The following RNF19A variants were observed in gnomAD, a reference collection of about 807,000 sequenced individuals.
RNF19A encodes the protein ring finger protein 19A, RBR E3 ubiquitin protein ligase, also known as E3 ubiquitin-protein ligase RNF19A.
In RNF19A, 32 loss-of-function variants were observed where a neutral mutation model predicts 75.7. That is an observed-to-expected ratio of 0.42 (90% CI 0.32 to 0.57). The LOEUF is 0.57. Among genes scored for constraint, RNF19A ranks in the 20% least tolerant of loss-of-function variants. The pLI is 0.10. For synonymous variants in RNF19A, 335 were observed against 345.2 expected, an observed-to-expected ratio of 0.97 and a Z score of 0.33; for missense variants, 782 against 1,036.3, an observed-to-expected ratio of 0.75 and a Z score of 3.37.
intron 1 of RNF19A, among the ~76,000 whole-genome samples, chr8:100,296,405 T>G (rs890811595): frequency 2.0e-5 from 3 of 152,202 alleles, no homozygotes; most frequent in African/African-American, 7.2e-5. Context: ...ACGACCAGCC[T>G]CCGGGCATTA....
intron 1 of RNF19A, among the ~76,000 whole-genome samples, chr8:100,301,770 T>C (rs971195077): frequency 1.3e-5 from 2 of 152,234 alleles, no homozygotes; most frequent in African/African-American, 2.4e-5. Flanking sequence ...TTTAATATTA[T>C]TCTTTACTAG....
At position 100,305,988 on chromosome 8, in the gene RNF19A, T is replaced by C. The variant is rs557808528; in HGVS notation, c.-94+3879A>G. Among the ~76,000 whole-genome samples the C allele has an allele frequency of 3.9e-5, 6 of 152,316 alleles. No homozygotes were observed. The South Asian group carries it at 1.2e-3, about 32-fold the overall frequency. ...ATATTTATCTGGAAACCTAACATCA[T>C]CACATTCCCAAAAGCTTCTCCTGGT... On this transcript the variant is annotated intron_variant, in intron 1 of 9. Transcript: ENST00000341084.
chr8:100,334,065 A>T (rs767911056), intron 1 of RNF19A, among the ~76,000 whole-genome samples: 6 of 152,112 alleles, frequency 3.9e-5, no homozygotes, highest in Non-Finnish European at 7.4e-5. Flanking sequence ...GATTTTGCTC[A>T]TTCTGTTCAC....
rs939998111 is a variant in RNF19A at position 100,257,985 on chromosome 8, C to G, written c.*571G>C. 5.0e-6 allele frequency: 2 copies of G among 398,498 alleles called. No homozygotes were observed. The highest frequency in any genetic ancestry group is 4.1e-5 in the African/African-American group (2 of 48,578). The allele number at this position is 398,498 out of a possible 1,614,324, so 24.7% of individuals were successfully genotyped here. ...GTGCAAAAACTGCCACAATCTTGCT[C>G]AAAGTGTCTAAGTATCCAAATGGTA... On this transcript the variant is annotated 3_prime_UTR_variant, in exon 10 of 10. Coordinates refer to ENST00000341084, the MANE Select transcript of RNF19A (RefSeq NM_183419.4).
chr8:100,264,477 G>C lies in RNF19A; in HGVS notation c.1306+194C>G. 2 of 587,326 alleles carry C rather than the reference G, an allele frequency of 3.4e-6. No homozygotes were observed. Among genetic ancestry groups the C allele is most frequent in the East Asian group, 5.6e-5 (2 of 35,516 alleles). 36.4% of individuals were successfully genotyped at this position (587,326 alleles called of 1,614,324 possible). Reference sequence around the variant, plus strand: ...ACTGTACTTGGGGTGGAGTGGGGAGGAAGGGTATCAGCCACTAACAATTTA... The same window carrying C: ...ACTGTACTTGGGGTGGAGTGGGGAGCAAGGGTATCAGCCACTAACAATTTA... On this transcript the variant is annotated intron_variant, in intron 6 of 9. Transcript: ENST00000341084. The surrounding 1 kb of genome is among the most constrained non-coding windows in gnomAD (Gnocchi z 4.7).
At chr8:100,265,120 A>T (rs1275892230) in intron 5 of RNF19A, among the ~76,000 whole-genome samples, 2 of 152,222 alleles carry the variant, frequency 1.3e-5, no homozygotes, top group Non-Finnish European at 2.9e-5. Context: ...CAACACAGTT[A>T]TGAGTTACAT....
chr8:100,296,408 G>A (rs1246485085), intron 1 of RNF19A, among the ~76,000 whole-genome samples: 1 of 152,090 alleles, frequency 6.6e-6, no homozygotes, highest in African/African-American at 2.4e-5. Flanking sequence ...ACCAGCCTCC[G>A]GGCATTATTC....
rs772875972 is a variant in RNF19A, at chr8:100,275,003, C to T, written c.833G>A (p.Arg278Lys). The change falls in exon 3 of 10, where the codon AGA becomes AAA. Residue 278 changes from arginine (R) to lysine (K), a missense_variant. Coordinates refer to ENST00000341084, the MANE Select transcript of RNF19A (RefSeq NM_183419.4). The surrounding 1 kb of genome is among the most constrained non-coding windows in gnomAD (Gnocchi z 4.3). ...RQERAQSLRL[R>K]TIRSSSISYS... ...ACTAATGGATGAAGAACGTATAGTTCTCAAACGTAAGCTCTGGGCTCTCTC... is the reference window on the plus strand; with the variant it reads ...ACTAATGGATGAAGAACGTATAGTTTTCAAACGTAAGCTCTGGGCTCTCTC... The T allele has an allele frequency of 4.0e-5, 64 of 1,614,018 alleles. No homozygotes were observed. The highest frequency in any genetic ancestry group is 5.4e-5 in the Non-Finnish European group (64 of 1,180,016).
chr8:100,281,675 T>C (rs1274990618), intron 2 of RNF19A, among the ~76,000 whole-genome samples: 2 of 152,270 alleles, frequency 1.3e-5, no homozygotes, highest in East Asian at 1.9e-4. Context: ...TAAAAGAGAA[T>C]GAAGAAAAAG....
At chr8:100,281,907 C>A (rs1820796849) in intron 2 of RNF19A, among the ~76,000 whole-genome samples, 2 of 152,172 alleles carry the variant, frequency 1.3e-5, no homozygotes, top group African/African-American at 4.8e-5. Context: ...GAATGACTTA[C>A]TTAATATACT....
At chr8:100,290,533 CT>C (rs1821245195) in intron 1 of RNF19A, among the ~76,000 whole-genome samples, 1 of 152,262 alleles carries the variant, frequency 6.6e-6, no homozygotes, top group East Asian at 1.9e-4. Context: ...GGCTGACCTC[CT>C]AATTAACATG....
At chr8:100,306,211 G>A (rs1415214348) in intron 1 of RNF19A, among the ~76,000 whole-genome samples, 6 of 152,144 alleles carry the variant, frequency 3.9e-5, no homozygotes, top group Non-Finnish European at 8.8e-5. Flanking sequence ...TTGAACCAAA[G>A]ACTCAGTTTC....
rs113067656 is a variant in RNF19A at position 100,264,708 on chromosome 8, A to G, written c.1269T>C (p.Ser423=). The G allele has an allele frequency of 2.4e-5, 38 of 1,613,690 alleles. 2 individuals carry two copies. In the African/African-American group the frequency reaches 3.3e-4, roughly 14 times the overall value. Residue 423 remains serine (S), a synonymous_variant, in exon 6 of 10, where the codon TCT becomes TCC. Transcript: ENST00000341084. This position sits in a 1 kb window ranked among gnomAD's most constrained non-coding sequence, Gnocchi z 4.7. The stretch of plus-strand genomic sequence containing the variant: ...CAGCTACTACTGGAGACACGATTAC[A>G]GACAACGTTACACCACCTGCTATGG... ...NLAIAGGVTL[S]VIVSPVVAAV... is the part of the protein sequence containing the mutation.
Position 100,259,741 on chromosome 8 carries a change from TC to T in RNF19A, c.1826+112del, listed in dbSNP as rs758358490. On this transcript the variant is annotated intron_variant, in intron 9 of 9. Transcript: ENST00000341084. This position sits in a 1 kb window ranked among gnomAD's most constrained non-coding sequence, Gnocchi z 4.5. ...CTCTGGACAGCTCACTGTTTCCTTT[TC>T]TCAGAGAACTTAATAGTTGGTAGCC... The T allele has an allele frequency of 3.3e-6, 3 of 920,580 alleles. No homozygotes were observed. In the South Asian group the frequency reaches 5.1e-5, roughly 16 times the overall value. 57.0% of individuals were successfully genotyped at this position (920,580 alleles called of 1,614,324 possible). A position where few individuals can be genotyped will look rare whatever the true frequency, so the allele number is the denominator to read the frequency against.
intron 1 of RNF19A, among the ~76,000 whole-genome samples, chr8:100,302,699 G>A (rs753778582): frequency 6.6e-6 from 1 of 152,168 alleles, no homozygotes; most frequent in Non-Finnish European, 1.5e-5. Flanking sequence ...ATGTAGGGGA[G>A]AAGAGGCGAA....
At chr8:100,279,465 C>G (rs1820680171) in intron 2 of RNF19A, among the ~76,000 whole-genome samples, 1 of 152,158 alleles carries the variant, frequency 6.6e-6, no homozygotes, top group Non-Finnish European at 1.5e-5. Flanking sequence ...CCTCCACCTC[C>G]CAGGTTCAAG....
At chr8:100,304,160 C>A (rs1436012926) in intron 1 of RNF19A, among the ~76,000 whole-genome samples, 5 of 152,016 alleles carry the variant, frequency 3.3e-5, no homozygotes, top group African/African-American at 4.8e-5. Context: ...CAGGGTTTCA[C>A]CATGTTGGCC....
chr8:100,286,768 G>A (rs769253315), intron 2 of RNF19A, among the ~76,000 whole-genome samples: 1 of 152,070 alleles, frequency 6.6e-6, no homozygotes, highest in Non-Finnish European at 1.5e-5. Context: ...AGTATGCTAC[G>A]TATCACATTA....
chr8:100,313,413 A>G, upstream of RNF19A: 1 of 560,114 alleles, frequency 1.8e-6, no homozygotes. Context: ...GGAGGTGGGG[A>G]AGACGGAGGA....
Sources: gnomAD v4.1 joint callset for allele counts (sites outside exome capture counted in the v4.1 genomes callset) on GRCh38, gnomAD v4.1.1 for gene constraint, Gnocchi (gnomAD v3.1) non-coding constraint, MANE v1.5 for transcripts, NCBI Gene and HGNC (gene_info 2026-07-23, HGNC 2026-07-21) for gene names.